Variants in SORL1 observed in about 807,000 individuals in gnomAD.
The protein encoded by SORL1 is sortilin related receptor 1.
In SORL1, 127 loss-of-function variants were observed where a neutral mutation model predicts 273.7. That is an observed-to-expected ratio of 0.46 (90% CI 0.40 to 0.54). The LOEUF is 0.54. Among genes scored for constraint, SORL1 ranks in the 20% least tolerant of loss-of-function variants. The pLI is 0.00. For missense variants in SORL1, 2,494 were observed against 2,846.1 expected (o/e 0.88, Z 2.81); for synonymous variants, 1,031 against 1,067.4 (o/e 0.97, Z 0.66).
intron 18 of SORL1, among the ~76,000 whole-genome samples, chr11:121,556,563 G>T (rs976510786): frequency 6.6e-6 from 1 of 152,210 alleles, no homozygotes; most frequent in Non-Finnish European, 1.5e-5. Flanking sequence ...GAATGCAGGT[G>T]ATGCACAAGC....
At chr11:121,613,854 C>T (rs1443847684) in intron 40 of SORL1, among the ~76,000 whole-genome samples, 1 of 152,236 alleles carries the variant, frequency 6.6e-6, no homozygotes, top group Non-Finnish European at 1.5e-5. Context: ...GAAGCCTTAA[C>T]TAGCTGTTGT....
intron 22 of SORL1, 148 bp downstream of exon 22, chr11:121,567,261 T>C (rs2134922431): frequency 1.4e-6 from 1 of 700,658 alleles, no homozygotes; most frequent in Non-Finnish European, 2.3e-6. Context: ...CAGATACTCA[T>C]AAGAATACTG....
Position 121,588,134 on chromosome 11 carries a change from C to T in SORL1, c.3929C>T (p.Ala1310Val), listed in dbSNP as rs201549653. ...IQCRDGSDED[A>V]AFAGCSQDPE... Reference sequence around the variant, plus strand: ...TGCCGCGACGGGTCCGATGAGGATGCGGCGTTTGCAGGATGCTGTGAGTTG... The same window carrying T: ...TGCCGCGACGGGTCCGATGAGGATGTGGCGTTTGCAGGATGCTGTGAGTTG... The change falls in exon 28 of 48, where the codon GCG becomes GTG. Residue 1310 changes from alanine (A) to valine (V), a missense_variant. This residue lies in a region of SORL1 where 1,609 missense variants were observed against 1,816.4 expected (regional missense o/e 0.89). Transcript: ENST00000260197. 4.3e-4 allele frequency: 692 copies of T among 1,613,100 alleles called. 1 individual carries two copies. Among genetic ancestry groups the T allele is most frequent in the Non-Finnish European group, 5.0e-4 (590 of 1,179,402 alleles).
intron 19 of SORL1, 54 bp from the exon 20 acceptor site, chr11:121,558,537 G>A: frequency 6.3e-7 from 1 of 1,597,528 alleles, no homozygotes; most frequent in Non-Finnish European, 8.6e-7. Flanking sequence ...TAGTATTTGA[G>A]CTCCCATTTC....
Position 121,555,316 on chromosome 11 carries a change from G to A in SORL1, c.2569G>A (p.Glu857Lys), listed in dbSNP as rs1862561925. The change falls in exon 18 of 48, where the codon GAG (glutamate) becomes AAG (lysine). Residue 857 changes from glutamate (E) to lysine (K), a missense_variant and splice_region_variant. Physicochemically the swap from Glu to Lys is moderately conservative, Grantham distance 56. Around this residue, in one of 3 missense-constraint regions of SORL1, gnomAD observed 1,609 missense variants for 1,816.4 expected, o/e 0.89. Transcript: ENST00000260197. ...GGTAGATGCAGGCTTCAAAAAGATT[G>A]AGGTATGTGTATTTTCGTGCTGTTC... Reference protein sequence around the residue: ...YWVDAGFKKIEVANPDGDFRL... With the variant: ...YWVDAGFKKIKVANPDGDFRL... The A allele has an allele frequency of 6.2e-7, 1 of 1,613,720 alleles. No individual in the cohort carries two copies. The highest frequency in any genetic ancestry group is 8.5e-7 in the Non-Finnish European group (1 of 1,179,714).
At chr11:121,561,509 A>C (rs1021125722) in intron 21 of SORL1, among the ~76,000 whole-genome samples, 5 of 152,090 alleles carry the variant, frequency 3.3e-5, no homozygotes. Flanking sequence ...GTCTGGATAG[A>C]TGACAGGCTG....
Position 121,558,662 on chromosome 11 carries a change from C to G in SORL1, c.2735C>G (p.Ala912Gly). ...CGGAGCAATATGGATGGTTCTGCTGCCTATCACCTGGTGTCTGAGGATGTG... is the reference window on the plus strand; with the variant it reads ...CGGAGCAATATGGATGGTTCTGCTGGCTATCACCTGGTGTCTGAGGATGTG... ...IYRSNMDGSA[A>G]YHLVSEDVKW... The change falls in exon 20 of 48, where the codon GCC becomes GGC. Residue 912 changes from alanine (A) to glycine (G), a missense_variant. Ala to Gly is a moderately conservative substitution (Grantham distance 60, BLOSUM62 0). Around this residue, in one of 3 missense-constraint regions of SORL1, gnomAD observed 1,609 missense variants for 1,816.4 expected, o/e 0.89. Coordinates refer to ENST00000260197, the MANE Select transcript of SORL1 (RefSeq NM_003105.6). The G allele has an allele frequency of 6.2e-7, 1 of 1,614,028 alleles. No individual in the cohort carries two copies. The highest frequency in any genetic ancestry group is 8.5e-7 in the Non-Finnish European group (1 of 1,180,008).
chr11:121,471,405 G>A (rs901813958), intron 2 of SORL1, among the ~76,000 whole-genome samples: 1 of 152,222 alleles, frequency 6.6e-6, no homozygotes, highest in Non-Finnish European at 1.5e-5. Context: ...CACATGTAAG[G>A]GCCAAAGCTC....
At chr11:121,581,851 G>A (rs1248959069) in intron 25 of SORL1, among the ~76,000 whole-genome samples, 1 of 152,168 alleles carries the variant, frequency 6.6e-6, no homozygotes, top group Non-Finnish European at 1.5e-5. Flanking sequence ...AATTGGTTTA[G>A]GCAACTTTAT....
At chr11:121,503,236 C>A (rs1003120024) in intron 6 of SORL1, among the ~76,000 whole-genome samples, 10 of 152,050 alleles carry the variant, frequency 6.6e-5, no homozygotes, top group African/African-American at 2.4e-4. Flanking sequence ...TTGTTATATC[C>A]AAGAAACTAT....
rs75350621 is a variant in SORL1, at chr11:121,481,533, T to C, written c.528+3290T>C. Among the ~76,000 whole-genome samples, 79 of 53,474 alleles carry C rather than the reference T, an allele frequency of 1.5e-3. No homozygotes were observed. Among genetic ancestry groups the C allele is most frequent in the South Asian group, 2.3e-3 (3 of 1,316 alleles). 35.1% of individuals were successfully genotyped at this position (53,474 alleles called of 152,430 possible). On this transcript the variant is annotated intron_variant, in intron 3 of 47. Transcript: ENST00000260197. ...CTTCATCTCCTCCTCCCCAGCTCCT[T>C]CCCTAGTGCACAGATACCTATAGGC... is the stretch of plus-strand genomic sequence containing the variant.
intron 1 of SORL1, among the ~76,000 whole-genome samples, chr11:121,461,336 G>A (rs897891528): frequency 1.3e-5 from 2 of 152,178 alleles, no homozygotes; most frequent in African/African-American, 4.8e-5. Context: ...AGCAGTGGAT[G>A]TGGAAAGTTG....
At chr11:121,529,812 T>C (rs1862176805) in intron 11 of SORL1, among the ~76,000 whole-genome samples, 1 of 152,208 alleles carries the variant, frequency 6.6e-6, no homozygotes, top group South Asian at 2.1e-4. Context: ...TTAATATAAT[T>C]ATTGATGTAT....
intron 14 of SORL1, among the ~76,000 whole-genome samples, chr11:121,548,300 AGG>A (rs1862462694): frequency 6.6e-6 from 1 of 152,212 alleles, no homozygotes; most frequent in Admixed American, 6.5e-5. Flanking sequence ...AAAGCTGCCC[AGG>A]AAGAGTGCTT....
At chr11:121,523,100 T>A in intron 11 of SORL1, 111 bp downstream of exon 11, 1 of 729,146 alleles carries the variant, frequency 1.4e-6, no homozygotes, top group South Asian at 1.5e-5. Flanking sequence ...CAGAGACCAG[T>A]AATGCCAGAT....
At chr11:121,481,071 G>A (rs1210772515) in intron 3 of SORL1, among the ~76,000 whole-genome samples, 1 of 116,966 alleles carries the variant, frequency 8.5e-6, no homozygotes, top group Non-Finnish European at 1.8e-5. Flanking sequence ...ATACCTATAG[G>A]CAGGCTTCAT....
chr11:121,493,732 C>A (rs1476667833), intron 5 of SORL1, among the ~76,000 whole-genome samples: 1 of 152,132 alleles, frequency 6.6e-6, no homozygotes, highest in Non-Finnish European at 1.5e-5. Context: ...AATTTTAGTC[C>A]TCATTAAGTG....
chr11:121,606,647 G>A (rs1863477594), intron 35 of SORL1, among the ~76,000 whole-genome samples, 198 bp from the exon 36 acceptor site: 2 of 152,228 alleles, frequency 1.3e-5, no homozygotes, highest in African/African-American at 2.4e-5. Context: ...ATGATGTGAT[G>A]TGTGGACGGC....
rs143657558 is a variant in SORL1 at position 121,611,101 on chromosome 11, T to C, written c.5265T>C (p.Ile1755=). The part of the protein sequence containing the change: ...GKVIPPPDIH[I]DSYGENYLSF... ...TGATCCCACCACCAGATATCCACAT[T>C]GACAGCTATGGTGAAAATTATCTAA... The change falls in exon 39 of 48, where the codon ATT becomes ATC. Residue 1755 remains isoleucine, a synonymous_variant. Transcript: ENST00000260197. 3 of 1,613,518 alleles carry C rather than the reference T, an allele frequency of 1.9e-6. No homozygotes were observed. In the Admixed American group the frequency reaches 5.0e-5, roughly 27 times the overall value.
Sources: allele counts gnomAD v4.1 joint callset (sites outside exome capture counted in the v4.1 genomes callset), GRCh38; gene constraint gnomAD v4.1.1; regional missense constraint gnomAD v4.1.1; transcripts MANE v1.5; gene names NCBI Gene and HGNC (gene_info 2026-07-23, HGNC 2026-07-21).